Variants in UBR4 observed in about 807,000 individuals in gnomAD.
UBR4 encodes ubiquitin protein ligase E3 component n-recognin 4.
In UBR4, 124 loss-of-function variants were observed where a neutral mutation model predicts 575.6. The observed-to-expected ratio is 0.22, with a 90% confidence interval of 0.19 to 0.25. The LOEUF is 0.25. Among genes scored for constraint, UBR4 ranks in the 10% least tolerant of loss-of-function variants. The pLI, the probability that UBR4 is intolerant of heterozygous loss-of-function variation, is 1.00. For missense variants in UBR4, 4,818 were observed against 6,478.8 expected (o/e 0.74, Z 8.80); for synonymous variants, 2,455 against 2,473.7 (o/e 0.99, Z 0.22).
chr1:19,096,401 A>G (rs1317283717), intron 92 of UBR4, 122 bp downstream of exon 92: 15 of 1,466,814 alleles, frequency 1.0e-5, no homozygotes, highest in African/African-American at 2.8e-5. Context: ...ACTGGCTCGC[A>G]CTGCTCCACG....
intron 1 of UBR4, among the ~76,000 whole-genome samples, chr1:19,203,504 A>T (rs538293740): frequency 6.6e-6 from 1 of 152,214 alleles, no homozygotes; most frequent in South Asian, 2.1e-4. Context: ...CAACTCAAAA[A>T]AAAAAAAAAA....
At chr1:19,170,302 G>A (rs1443621050) in intron 26 of UBR4, among the ~76,000 whole-genome samples, 2 of 152,208 alleles carry the variant, frequency 1.3e-5, no homozygotes, top group Admixed American at 6.5e-5. Context: ...GGGAGGCTGC[G>A]GCAGGGGGAC....
chr1:19,101,834 T>G (rs1270998371), intron 87 of UBR4, among the ~76,000 whole-genome samples, 193 bp from the exon 88 acceptor site: 1 of 152,226 alleles, frequency 6.6e-6, no homozygotes, highest in Non-Finnish European at 1.5e-5. Context: ...CACATTCAGT[T>G]TGAAACCCAT....
chr1:19,167,317 CGGGGAAGAGG>C, intron 28 of UBR4, 86 bp from the exon 29 acceptor site: 1 of 1,464,658 alleles, frequency 6.8e-7, no homozygotes, highest in Non-Finnish European at 9.5e-7. Flanking sequence ...AATTACTTGC[CGGGGAAGAGG>C]GGAAGGGGAA....
Position 19,172,847 on chromosome 1 carries a change from C to A in UBR4, c.3521+17G>T, listed in dbSNP as rs768789292. On this transcript the variant is annotated intron_variant, in intron 25 of 105. Transcript: ENST00000375254. ...TGAAGAGTGCATGTGCATCTCTGGG[C>A]AGGCAGTTCGCCACACCTGGTGAAC... 1.9e-6 allele frequency: 3 copies of A among 1,612,518 alleles called. No homozygotes were observed. The South Asian group carries it at 3.3e-5, about 18-fold the overall frequency.
chr1:19,077,333 T>C (rs929814063), intron 104 of UBR4, among the ~76,000 whole-genome samples: 1 of 152,158 alleles, frequency 6.6e-6, no homozygotes, highest in Admixed American at 6.5e-5. Context: ...CAACAGAGCT[T>C]ATCCCAATAG....
chr1:19,121,788 T>C (rs913613019), intron 67 of UBR4, 146 bp downstream of exon 67: 11 of 1,030,524 alleles, frequency 1.1e-5, no homozygotes, highest in African/African-American at 1.6e-5. Flanking sequence ...GATTTTTACT[T>C]GTCTTCTTTG....
Position 19,113,695 on chromosome 1 carries a change from C to G in UBR4, c.11457+4G>C. 1 of 1,614,164 alleles carries G rather than the reference C, an allele frequency of 6.2e-7. No individual in the cohort carries two copies. The highest frequency in any genetic ancestry group is 8.5e-7 in the Non-Finnish European group (1 of 1,180,018). The stretch of plus-strand genomic sequence containing the variant: ...ACACCCAAAAGCTGCTCCCCGCTCT[C>G]TACCTGGATGATTTTGGAGAGTTCA... On this transcript the variant is annotated splice_donor_region_variant and intron_variant, in intron 77 of 105. Coordinates refer to ENST00000375254, the MANE Select transcript of UBR4 (RefSeq NM_020765.3).
intron 2 of UBR4, among the ~76,000 whole-genome samples, chr1:19,200,136 C>T (rs1439894772): frequency 6.6e-6 from 1 of 152,164 alleles, no homozygotes; most frequent in Non-Finnish European, 1.5e-5. Flanking sequence ...TCCAGGCAGT[C>T]AGCCTCTAGA....
Position 19,089,323 on chromosome 1 carries a change from T to C in UBR4, c.14212-346A>G, listed in dbSNP as rs1239365724. Among the ~76,000 whole-genome samples the C allele has an allele frequency of 6.6e-6, 1 of 152,134 alleles. No individual in the cohort carries two copies. The highest frequency in any genetic ancestry group is 2.4e-5 in the African/African-American group (1 of 41,410). ...CCAGGAGAAGATCCCCGTATTCTGGTAAGACAAGCAGCAACACCTGATGTG... is the reference window on the plus strand; with the variant it reads ...CCAGGAGAAGATCCCCGTATTCTGGCAAGACAAGCAGCAACACCTGATGTG... On this transcript the variant is annotated intron_variant, in intron 97 of 105. Coordinates refer to ENST00000375254, the MANE Select transcript of UBR4 (RefSeq NM_020765.3). The surrounding 1 kb of genome is among the most constrained non-coding windows in gnomAD (Gnocchi z 4.3).
chr1:19,075,035 T>C (rs2075783129), intron 105 of UBR4, 139 bp from the exon 106 acceptor site: 1 of 838,402 alleles, frequency 1.2e-6, no homozygotes, highest in Non-Finnish European at 2.0e-6. Context: ...GACAGCAGCA[T>C]GACCGGGGAG....
Position 19,210,151 on chromosome 1 carries a change from A to G in UBR4, c.98T>C (p.Val33Ala). ...ADTTPGWEVA[V>A]RPLLSASYSA... ...GTAGGACGCGGACAGCAGGGGCCGC[A>G]CAGCCACCTCCCAGCCCGGGGTCGT... The change falls in exon 1 of 106, where the codon GTG becomes GCG. Residue 33 changes from valine (V) to alanine (A), a missense_variant. Physicochemically the swap from Val to Ala is moderately conservative, Grantham distance 64. Coordinates refer to ENST00000375254, the MANE Select transcript of UBR4 (RefSeq NM_020765.3). 6.3e-7 allele frequency: 1 copy of G among 1,575,400 alleles called. No individual in the cohort carries two copies.
At position 19,117,266 on chromosome 1, in the gene UBR4, T is replaced by C. The variant is rs1479115675; in HGVS notation, c.10778A>G (p.Tyr3593Cys). The change falls in exon 73 of 106, where the codon TAT becomes TGT. Residue 3593 changes from tyrosine (Y) to cysteine (C), a missense_variant. Tyr to Cys is a radical substitution (Grantham distance 194). Transcript: ENST00000375254. This position sits in a 1 kb window ranked among gnomAD's most constrained non-coding sequence, Gnocchi z 4.0. ...GGCCTGCACGGTTCGGTTGTTATAA[T>C]ACAGGTTGATGGTCCGCACCATCTT... Reference protein sequence around the residue: ...RTKMVRTINLYYNNRTVQAIV... With the variant: ...RTKMVRTINLCYNNRTVQAIV... The C allele has an allele frequency of 6.2e-7, 1 of 1,614,160 alleles. No homozygotes were observed. Among genetic ancestry groups the C allele is most frequent in the African/African-American group, 1.3e-5 (1 of 75,036 alleles).
At chr1:19,206,721 A>C (rs1015796306) in intron 1 of UBR4, among the ~76,000 whole-genome samples, 4 of 152,168 alleles carry the variant, frequency 2.6e-5, no homozygotes, top group Non-Finnish European at 5.9e-5. Flanking sequence ...ATAGAGAAAA[A>C]TCTTCCCTTT....
At chr1:19,084,446 G>A (rs2076816142) in intron 102 of UBR4, 58 bp downstream of exon 102, 1 of 1,522,990 alleles carries the variant, frequency 6.6e-7, no homozygotes, top group Admixed American at 1.8e-5. Flanking sequence ...GGGGATCTCG[G>A]GCAGAGGGAT....
intron 58 of UBR4, 43 bp downstream of exon 58, chr1:19,140,745 G>A (rs1343584361): frequency 6.3e-7 from 1 of 1,579,886 alleles, no homozygotes; most frequent in Non-Finnish European, 8.6e-7. Flanking sequence ...AAGGCCTGAG[G>A]GTCCTGGGGC....
At chr1:19,101,685 A>G (rs748107772) in intron 87 of UBR4, 44 bp from the exon 88 acceptor site, 10 of 1,570,102 alleles carry the variant, frequency 6.4e-6, no homozygotes, top group Non-Finnish European at 8.7e-6. Flanking sequence ...AGCCTCTCCC[A>G]TGGAAGGTGA....
rs555677258 is a variant in UBR4, at chr1:19,207,663, C to T, written c.176+2410G>A. 6.6e-5 allele frequency among the ~76,000 whole-genome samples: 10 copies of T among 152,110 alleles called. No individual in the cohort carries two copies. The East Asian group carries it at 1.7e-3, about 26-fold the overall frequency. On this transcript the variant is annotated intron_variant, in intron 1 of 105. Transcript: ENST00000375254. ...AATAAATAAATAAAACTTTTGAAAA[C>T]CAGAATAATGATAGCAGGGTATAAT...
At chr1:19,189,917 A>T (rs960397002) in intron 11 of UBR4, among the ~76,000 whole-genome samples, 1 of 152,130 alleles carries the variant, frequency 6.6e-6, no homozygotes, top group African/African-American at 2.4e-5. Flanking sequence ...TTTCAGCTTA[A>T]TTAGCAATTC....
Sources: allele counts gnomAD v4.1 joint callset (sites outside exome capture counted in the v4.1 genomes callset), GRCh38; gene constraint gnomAD v4.1.1; non-coding constraint Gnocchi (gnomAD v3.1); transcripts MANE v1.5; gene names NCBI Gene and HGNC (gene_info 2026-07-23, HGNC 2026-07-21).